Variants in SLC24A2 observed in about 807,000 individuals in gnomAD.
The protein encoded by SLC24A2 is solute carrier family 24 member 2.
Under a neutral mutation model 62.0 loss-of-function variants are expected in SLC24A2, and 36 were observed. The ratio of observed to expected loss-of-function variants is 0.58; its 90% CI spans 0.44 to 0.77. The LOEUF (loss-of-function observed/expected upper bound fraction) is 0.77. Ranked by LOEUF, SLC24A2 falls within the 30% of genes least tolerant of loss-of-function variation. The pLI is 0.00. For synonymous variants in SLC24A2, 358 were observed against 294.0 expected (o/e 1.22, Z -2.23); for missense variants, 846 against 817.9 (o/e 1.03, Z -0.42).
chr9:20,274,552 G>A, the SLC24A2 span, among the ~76,000 whole-genome samples: 12 of 152,090 alleles, frequency 7.9e-5, no homozygotes, highest in East Asian at 3.9e-4. Flanking sequence ...TACCAACTGC[G>A]ATACTACACT....
At chr9:19,804,866 GCTT>G in the SLC24A2 span, among the ~76,000 whole-genome samples, 5 of 152,040 alleles carry the variant, frequency 3.3e-5, no homozygotes, top group Non-Finnish European at 5.9e-5. Flanking sequence ...TTTATAAAAT[GCTT>G]CTTCTGTATC....
chr9:20,008,954 C>T, the SLC24A2 span, among the ~76,000 whole-genome samples: 1 of 152,122 alleles, frequency 6.6e-6, no homozygotes, highest in African/African-American at 2.4e-5. Context: ...TCCTGAATAT[C>T]CAAGAACTCA....
chr9:20,124,959 A>G, the SLC24A2 span, among the ~76,000 whole-genome samples: 1 of 152,228 alleles, frequency 6.6e-6, no homozygotes, highest in African/African-American at 2.4e-5. Context: ...TATGGTAGAA[A>G]GAGCATGGAC....
chr9:19,898,736 C>T, the SLC24A2 span, among the ~76,000 whole-genome samples: 4 of 91,188 alleles, frequency 4.4e-5, no homozygotes, highest in Non-Finnish European at 8.7e-5. Flanking sequence ...AGCAAGACTC[C>T]ATCTCAAAAA....
At chr9:19,780,237 T>C (rs1355731757) in intron 2 of SLC24A2, among the ~76,000 whole-genome samples, 1 of 151,844 alleles carries the variant, frequency 6.6e-6, no homozygotes, top group African/African-American at 2.4e-5. Flanking sequence ...TATAGTATGT[T>C]AAGTTAAATA....
At chr9:19,867,387 T>C in the SLC24A2 span, among the ~76,000 whole-genome samples, 1 of 152,232 alleles carries the variant, frequency 6.6e-6, no homozygotes, top group Non-Finnish European at 1.5e-5. Flanking sequence ...AGAATTCCCA[T>C]TGCTTTTTGA....
chr9:19,595,404 G>C (rs1288792120), intron 5 of SLC24A2, among the ~76,000 whole-genome samples: 1 of 152,178 alleles, frequency 6.6e-6, no homozygotes, highest in Admixed American at 6.5e-5. Context: ...TTTCAGCTAA[G>C]AATGGGACAC....
the SLC24A2 span, among the ~76,000 whole-genome samples, chr9:20,224,661 G>C: frequency 6.6e-6 from 1 of 151,532 alleles, no homozygotes; most frequent in Non-Finnish European, 1.5e-5. Flanking sequence ...AGGGAGAAGA[G>C]AAGAGGGGAG....
chr9:20,172,464 A>T, the SLC24A2 span, among the ~76,000 whole-genome samples: 9 of 152,102 alleles, frequency 5.9e-5, no homozygotes, highest in African/African-American at 9.7e-5. Context: ...AAGAGTAACC[A>T]AGAAAAGAAG....
At chr9:19,811,795 A>G in the SLC24A2 span, among the ~76,000 whole-genome samples, 1 of 152,108 alleles carries the variant, frequency 6.6e-6, no homozygotes, top group Admixed American at 6.6e-5. Flanking sequence ...CATATTTTAA[A>G]CCTTGCAAGA....
intron 7 of SLC24A2, among the ~76,000 whole-genome samples, chr9:19,572,192 G>T (rs1015801325): frequency 6.7e-6 from 1 of 149,808 alleles, no homozygotes; most frequent in Non-Finnish European, 1.5e-5. Context: ...CCCAGGAGGT[G>T]GAGGTTGCAG....
At chr9:19,577,873 C>G (rs1836076131) in intron 5 of SLC24A2, among the ~76,000 whole-genome samples, 1 of 148,272 alleles carries the variant, frequency 6.7e-6, no homozygotes, top group Admixed American at 6.7e-5. Flanking sequence ...TAAAAATATT[C>G]CAACATATAT....
chr9:20,269,085 A>G, the SLC24A2 span, among the ~76,000 whole-genome samples: 1 of 152,142 alleles, frequency 6.6e-6, no homozygotes, highest in African/African-American at 2.4e-5. Flanking sequence ...AGTGACCTCA[A>G]TGGATTTCAG....
At chr9:19,604,802 C>T (rs918057191) in intron 4 of SLC24A2, among the ~76,000 whole-genome samples, 1 of 152,126 alleles carries the variant, frequency 6.6e-6, no homozygotes. Context: ...AGGTAAAAAT[C>T]CTCCTTACAA....
chr9:19,553,444 G>A (rs994615260), intron 7 of SLC24A2, among the ~76,000 whole-genome samples: 2 of 152,138 alleles, frequency 1.3e-5, no homozygotes, highest in African/African-American at 4.8e-5. Context: ...TTGATATGAG[G>A]GCTTAAAATA....
chr9:19,696,138 G>A (rs1260008401), intron 2 of SLC24A2, among the ~76,000 whole-genome samples: 2 of 152,136 alleles, frequency 1.3e-5, no homozygotes, highest in Non-Finnish European at 2.9e-5. Flanking sequence ...CTGTGCATGT[G>A]AGGGATCTAG....
chr9:20,182,807 G>T, the SLC24A2 span, among the ~76,000 whole-genome samples: 2 of 152,086 alleles, frequency 1.3e-5, no homozygotes, highest in African/African-American at 4.8e-5. Context: ...TGGTAGAAAA[G>T]AAATGAATTC....
the SLC24A2 span, among the ~76,000 whole-genome samples, chr9:20,099,286 C>T: frequency 6.6e-6 from 1 of 152,302 alleles, no homozygotes; most frequent in Admixed American, 6.5e-5. Flanking sequence ...CCCTGCCTAT[C>T]CCTTGCCATT....
chr9:20,275,894 C>A, the SLC24A2 span, among the ~76,000 whole-genome samples: 1 of 152,094 alleles, frequency 6.6e-6, no homozygotes, highest in Non-Finnish European at 1.5e-5. Context: ...ACTCTCAGGT[C>A]TCGCGAGACT....
Sources: allele counts gnomAD v4.1 joint callset (sites outside exome capture counted in the v4.1 genomes callset), GRCh38; gene constraint gnomAD v4.1.1; transcripts MANE v1.5; gene names NCBI Gene and HGNC (gene_info 2026-07-23, HGNC 2026-07-21).